Variants in ST3GAL1 observed in about 807,000 individuals in gnomAD.
ST3GAL1 encodes the protein ST3 beta-galactoside alpha-2,3-sialyltransferase 1, also known as CMP-N-acetylneuraminate-beta-galactosamide-alpha-2,3-sialyltransferase 1.
A neutral mutation model predicts 34.1 loss-of-function variants in ST3GAL1; 16 were observed. The observed-to-expected ratio is 0.47, with a 90% confidence interval of 0.32 to 0.71. The LOEUF (loss-of-function observed/expected upper bound fraction) is 0.71. Ranked by LOEUF, ST3GAL1 falls within the 30% of genes least tolerant of loss-of-function variation. The pLI is 0.04. For synonymous variants in ST3GAL1, 191 were observed against 184.7 expected (o/e 1.03, Z -0.28); for missense variants, 353 against 447.4 (o/e 0.79, Z 1.90).
At chr8:133,468,547 T>C (rs1815831265) in intron 5 of ST3GAL1, among the ~76,000 whole-genome samples, 1 of 152,334 alleles carries the variant, frequency 6.6e-6, no homozygotes, top group Non-Finnish European at 1.5e-5. Flanking sequence ...GTTATGGTTA[T>C]AGATAATGGT....
intron 1 of ST3GAL1, among the ~76,000 whole-genome samples, chr8:133,558,440 T>C (rs1361957966): frequency 3.9e-5 from 6 of 152,186 alleles, no homozygotes; most frequent in Admixed American, 6.5e-5. Context: ...GCTAATACTT[T>C]TATGAGTAAA....
intron 5 of ST3GAL1, among the ~76,000 whole-genome samples, chr8:133,473,104 A>G (rs1816029728): frequency 6.6e-6 from 1 of 152,172 alleles, no homozygotes; most frequent in Non-Finnish European, 1.5e-5. Context: ...TCCTAAGTCT[A>G]CATTATAGCC....
chr8:133,545,232 G>A (rs1486504972), intron 2 of ST3GAL1, among the ~76,000 whole-genome samples: 1 of 152,262 alleles, frequency 6.6e-6, no homozygotes, highest in Non-Finnish European at 1.5e-5. Context: ...GAACAAATAT[G>A]TCAGGCTTTG....
At position 133,469,637 on chromosome 8, in the gene ST3GAL1, T is replaced by C. The variant is rs1438711493; in HGVS notation, c.307-3547A>G. Among the ~76,000 whole-genome samples the C allele has an allele frequency of 6.6e-6, 1 of 152,260 alleles. No homozygotes were observed. The highest frequency in any genetic ancestry group is 1.5e-5 in the Non-Finnish European group (1 of 68,052). Reference sequence around the variant, plus strand: ...TACAATGCAATGAAAACAAAACTACTGTATTCGGTTGCAGCTCTACCCTGC... The same window carrying C: ...TACAATGCAATGAAAACAAAACTACCGTATTCGGTTGCAGCTCTACCCTGC... On this transcript the variant is annotated intron_variant, in intron 5 of 9. Coordinates refer to ENST00000522652, the MANE Select transcript of ST3GAL1 (RefSeq NM_173344.3). The surrounding 1 kb of genome is among the most constrained non-coding windows in gnomAD (Gnocchi z 4.3).
At chr8:133,481,217 G>A (rs182736888) in intron 3 of ST3GAL1, among the ~76,000 whole-genome samples, 30 of 152,300 alleles carry the variant, frequency 2.0e-4, no homozygotes, top group African/African-American at 5.5e-4. Context: ...AGAGAGGACC[G>A]GTTGTCTCCT....
chr8:133,555,016 C>T (rs934364153), intron 1 of ST3GAL1, among the ~76,000 whole-genome samples: 3 of 152,040 alleles, frequency 2.0e-5, no homozygotes, highest in Admixed American at 6.6e-5. Context: ...TGTGAGCCAC[C>T]GCGCCCAGCC....
intron 2 of ST3GAL1, among the ~76,000 whole-genome samples, chr8:133,534,469 T>C (rs1008517255): frequency 6.6e-6 from 1 of 152,170 alleles, no homozygotes; most frequent in African/African-American, 2.4e-5. Flanking sequence ...CTTCACCCCA[T>C]GCCATCCGTA....
chr8:133,480,011 G>A (rs1475860974), intron 3 of ST3GAL1, among the ~76,000 whole-genome samples: 4 of 152,196 alleles, frequency 2.6e-5, no homozygotes, highest in Admixed American at 6.5e-5. Context: ...TCTGGGCCAA[G>A]ACGCCACAGA....
At chr8:133,562,489 T>C (rs1819255830) in intron 1 of ST3GAL1, among the ~76,000 whole-genome samples, 1 of 152,182 alleles carries the variant, frequency 6.6e-6, no homozygotes, top group South Asian at 2.1e-4. Flanking sequence ...ATTACAGGTA[T>C]GAGCCACAGG....
At chr8:133,526,845 G>C (rs1817990391) in intron 2 of ST3GAL1, among the ~76,000 whole-genome samples, 1 of 152,108 alleles carries the variant, frequency 6.6e-6, no homozygotes, top group African/African-American at 2.4e-5. Flanking sequence ...AGGGAGCTGT[G>C]GGGAGAGATG....
chr8:133,553,525 A>C (rs561933543), intron 1 of ST3GAL1, among the ~76,000 whole-genome samples: 4 of 152,348 alleles, frequency 2.6e-5, no homozygotes, highest in Admixed American at 2.6e-4. Flanking sequence ...AGGGTCTTGG[A>C]CAAGTTATCT....
intron 5 of ST3GAL1, among the ~76,000 whole-genome samples, chr8:133,471,048 A>G (rs1353921516): frequency 6.6e-6 from 1 of 152,040 alleles, no homozygotes; most frequent in East Asian, 1.9e-4. Flanking sequence ...TGAATGATGC[A>G]TCGCCTTCTG....
At chr8:133,475,480 T>G (rs2737429) in intron 5 of ST3GAL1, among the ~76,000 whole-genome samples, 45,725 of 152,124 alleles carry the variant, frequency 0.3, 7,398 homozygotes, top group Non-Finnish European at 0.37. Context: ...CAATAAATAG[T>G]GTGGGACAAT....
intron 2 of ST3GAL1, among the ~76,000 whole-genome samples, chr8:133,540,712 C>CAT (rs1343808150): frequency 7.5e-5 from 8 of 106,100 alleles, no homozygotes; most frequent in East Asian, 2.5e-4. Context: ...TATATACAGA[C>CAT]ATATATATAT....
intron 1 of ST3GAL1, among the ~76,000 whole-genome samples, chr8:133,552,415 G>A (rs1818889740): frequency 1.3e-5 from 2 of 152,220 alleles, no homozygotes; most frequent in East Asian, 3.8e-4. Flanking sequence ...TGTGAGTGCT[G>A]GAAGGCCCTC....
intron 2 of ST3GAL1, among the ~76,000 whole-genome samples, chr8:133,541,360 G>C (rs4736693): frequency 0.32 from 48,056 of 151,478 alleles, 8,917 homozygotes; most frequent in East Asian, 0.59. Context: ...TCCCAGGAAA[G>C]CACTCTGCAA....
At chr8:133,536,743 C>T (rs997292575) in intron 2 of ST3GAL1, among the ~76,000 whole-genome samples, 2 of 152,208 alleles carry the variant, frequency 1.3e-5, no homozygotes, top group African/African-American at 4.8e-5. Context: ...ACACCGTACC[C>T]AGCTTTTTGA....
chr8:133,500,295 C>T (rs1325239660), intron 2 of ST3GAL1, among the ~76,000 whole-genome samples: 2 of 152,122 alleles, frequency 1.3e-5, no homozygotes, highest in African/African-American at 2.4e-5. Flanking sequence ...GGCCCTCAGA[C>T]GTTAATATCA....
intron 2 of ST3GAL1, among the ~76,000 whole-genome samples, chr8:133,505,550 T>A (rs1817304711): frequency 6.6e-6 from 1 of 152,208 alleles, no homozygotes; most frequent in African/African-American, 2.4e-5. Context: ...CTCAGGTCTG[T>A]CACAGTTCTT....
Sources: allele counts gnomAD v4.1 joint callset (sites outside exome capture counted in the v4.1 genomes callset), GRCh38; gene constraint gnomAD v4.1.1; non-coding constraint Gnocchi (gnomAD v3.1); transcripts MANE v1.5; gene names NCBI Gene and HGNC (gene_info 2026-07-23, HGNC 2026-07-21).